Variants in PPME1 observed in about 807,000 individuals in gnomAD.
PPME1 encodes testicular secretory protein Li 39.
Under a neutral mutation model 56.9 loss-of-function variants are expected in PPME1, and 17 were observed. That is an observed-to-expected ratio of 0.30 (90% CI 0.20 to 0.45). The LOEUF is 0.45. Ranked by LOEUF, PPME1 falls within the 20% of genes least tolerant of loss-of-function variation. The pLI, the probability that PPME1 is intolerant of heterozygous loss-of-function variation, is 1.00. For missense variants in PPME1, 357 were observed against 483.2 expected (o/e 0.74, Z 2.45); for synonymous variants, 122 against 156.2 (o/e 0.78, Z 1.63).
At chr11:74,214,125 T>C (rs1452138857) in intron 3 of PPME1, among the ~76,000 whole-genome samples, 5 of 152,194 alleles carry the variant, frequency 3.3e-5, no homozygotes, top group African/African-American at 1.2e-4. Context: ...TATCTATAGA[T>C]AAATTTAACA....
chr11:74,230,477 TTTA>T lies in PPME1; in HGVS notation c.553+81_553+83del. On this transcript the variant is annotated intron_variant, in intron 6 of 13. Coordinates refer to ENST00000328257, the MANE Select transcript of PPME1 (RefSeq NM_016147.3). The surrounding 1 kb of genome is among the most constrained non-coding windows in gnomAD (Gnocchi z 4.9). ...TTGGTAGATTATTACCTTGTCTTAG[TTTA>T]TTGTTGATTTCATTCATCTTGAAAT... 6.7e-7 allele frequency: 1 copy of T among 1,484,698 alleles called. No homozygotes were observed. The highest frequency in any genetic ancestry group is 9.3e-7 in the Non-Finnish European group (1 of 1,079,492). The allele number at this position is 1,484,698 out of a possible 1,614,324, so 92.0% of individuals were successfully genotyped here. A position where few individuals can be genotyped will look rare whatever the true frequency, so the allele number is the denominator to read the frequency against.
At chr11:74,225,396 A>G (rs969252087) in intron 5 of PPME1, 140 bp downstream of exon 5, 49 of 578,884 alleles carry the variant, frequency 8.5e-5, no homozygotes, top group Non-Finnish European at 1.1e-4. Context: ...TCTCTCCTCT[A>G]CTTCTGGTTT....
intron 5 of PPME1, 78 bp downstream of exon 5, chr11:74,225,334 C>T: frequency 9.4e-7 from 1 of 1,062,980 alleles, no homozygotes; most frequent in Admixed American, 3.1e-5. Context: ...TATCACTTTC[C>T]TGATGAGATT....
rs188844008 is a variant in PPME1, at chr11:74,216,680, A to G, written c.289-5632A>G. On this transcript the variant is annotated intron_variant, in intron 3 of 13. Coordinates refer to ENST00000328257, the MANE Select transcript of PPME1 (RefSeq NM_016147.3). ...ATGAAATCAAAACAAAAAAGTAGAA[A>G]AGATCAACAAAATAAAAAGTTGGTT... Among the ~76,000 whole-genome samples, 800 of 152,246 alleles carry G rather than the reference A, an allele frequency of 5.3e-3. 2 individuals carry two copies. Among genetic ancestry groups the G allele is most frequent in the Non-Finnish European group, 9.6e-3 (650 of 67,994 alleles).
chr11:74,195,642 C>T (rs567063566), intron 1 of PPME1, among the ~76,000 whole-genome samples: 1 of 152,288 alleles, frequency 6.6e-6, no homozygotes, highest in Non-Finnish European at 1.5e-5. Flanking sequence ...TGAAGGACAC[C>T]TGTCTAATTT....
chr11:74,225,342 A>C, intron 5 of PPME1, 86 bp downstream of exon 5: 2 of 998,702 alleles, frequency 2.0e-6, no homozygotes, highest in Non-Finnish European at 2.9e-6. Flanking sequence ...TCCTGATGAG[A>C]TTGTTGGGGA....
At chr11:74,222,552 A>G (rs1357014337) in intron 4 of PPME1, 183 bp downstream of exon 4, 5 of 564,962 alleles carry the variant, frequency 8.9e-6, no homozygotes, top group Non-Finnish European at 1.6e-5. Context: ...GCAGTGGCAC[A>G]ATCTCAGCTC....
chr11:74,233,791 C>G (rs549483340), intron 7 of PPME1, among the ~76,000 whole-genome samples: 1 of 152,184 alleles, frequency 6.6e-6, no homozygotes, highest in Non-Finnish European at 1.5e-5. Context: ...CACTGCACTT[C>G]AGCCTGAACA....
rs963972772 is a variant in PPME1, at chr11:74,254,346, G to C, written c.*836G>C. On this transcript the variant is annotated 3_prime_UTR_variant, in exon 14 of 14. Transcript: ENST00000328257. The stretch of plus-strand genomic sequence containing the variant: ...TTTCATAACTGGTTCCTGGAGGTGT[G>C]CAGTGCCCCCTTGCCTCTTCAAACC... The C allele has an allele frequency of 1.3e-5, 2 of 152,836 alleles. No individual in the cohort carries two copies. Among genetic ancestry groups the C allele is most frequent in the Non-Finnish European group, 2.9e-5 (2 of 68,152 alleles). The allele number at this position is 152,836 out of a possible 1,614,324, so 9.5% of individuals were successfully genotyped here. A position where few individuals can be genotyped will look rare whatever the true frequency, so the allele number is the denominator to read the frequency against.
At chr11:74,203,589 T>C in intron 1 of PPME1, 139 bp from the exon 2 acceptor site, 1 of 500,838 alleles carries the variant, frequency 2.0e-6, no homozygotes, top group Non-Finnish European at 3.5e-6. Context: ...ATATGATACT[T>C]TGTGATGAAC....
chr11:74,214,769 C>G (rs753187224), intron 3 of PPME1, among the ~76,000 whole-genome samples: 3 of 151,880 alleles, frequency 2.0e-5, no homozygotes, highest in Non-Finnish European at 4.4e-5. Context: ...AAGACTTTCC[C>G]AGACACACAA....
chr11:74,210,291 A>C (rs1858438470), intron 3 of PPME1, among the ~76,000 whole-genome samples: 1 of 152,256 alleles, frequency 6.6e-6, no homozygotes, highest in Middle Eastern at 3.4e-3. Context: ...TCATGTTGAA[A>C]ACTCTTGGCC....
At chr11:74,242,897 A>AAAAC (rs1859406847) in intron 9 of PPME1, among the ~76,000 whole-genome samples, 2 of 150,828 alleles carry the variant, frequency 1.3e-5, no homozygotes, top group African/African-American at 4.9e-5. Flanking sequence ...AAAAAAAAAA[A>AAAAC]AAAAAACAGG....
intron 12 of PPME1, chr11:74,251,373 C>A: frequency 7.4e-7 from 1 of 1,359,336 alleles, no homozygotes; most frequent in Non-Finnish European, 9.5e-7. Context: ...ATGGGCTCCT[C>A]CTGTGAGAAA....
In PPME1 at chr11:74,226,555, A is replaced by G. The variant is rs75576527; in HGVS notation, c.398+1299A>G. Among the ~76,000 whole-genome samples the G allele has an allele frequency of 3.6e-3, 551 of 152,298 alleles. 7 individuals are homozygous for G. Among genetic ancestry groups the G allele is most frequent in the African/African-American group, 0.013 (530 of 41,560 alleles). ...ACAGTCAAGGCTGTTAGTGATACCT[A>G]TAGGAAGATTTGTGAATGATTTTTA... On this transcript the variant is annotated intron_variant, in intron 5 of 13. Transcript: ENST00000328257.
intron 3 of PPME1, among the ~76,000 whole-genome samples, chr11:74,216,835 A>G (rs1049000549): frequency 1.3e-5 from 2 of 152,214 alleles, no homozygotes; most frequent in Non-Finnish European, 2.9e-5. Context: ...AGAGGATACT[A>G]TGAGCAACTA....
chr11:74,171,318 C>G lies in PPME1; in HGVS notation c.-104C>G. 5 of 1,510,494 alleles carry G rather than the reference C, an allele frequency of 3.3e-6. No homozygotes were observed. Among genetic ancestry groups the G allele is most frequent in the Non-Finnish European group, 4.4e-6 (5 of 1,128,480 alleles). 93.6% of individuals were successfully genotyped at this position (1,510,494 alleles called of 1,614,324 possible). A position where few individuals can be genotyped will look rare whatever the true frequency, so the allele number is the denominator to read the frequency against. ...CGGGTAGCTGGGTGCTGTCCAAAGG[C>G]GACAGGGCGTCGTTAGGGGAGCGAG... On this transcript the variant is annotated 5_prime_UTR_variant, in exon 1 of 14. Coordinates refer to ENST00000328257, the MANE Select transcript of PPME1 (RefSeq NM_016147.3).
chr11:74,178,817 C>A (rs1388360802), intron 1 of PPME1, among the ~76,000 whole-genome samples: 1 of 152,090 alleles, frequency 6.6e-6, no homozygotes, highest in African/African-American at 2.4e-5. Flanking sequence ...TTATTTTAAA[C>A]CTAATGAGCC....
Position 74,204,379 on chromosome 11 carries a change from A to G in PPME1, c.222A>G (p.Ser74=). 6.2e-7 allele frequency: 1 copy of G among 1,613,330 alleles called. No homozygotes were observed. The highest frequency in any genetic ancestry group is 8.5e-7 in the Non-Finnish European group (1 of 1,179,416). ...CTTTTCGAGTCTACAAGAGTGGTTC[A>G]GAGGGTCCAGTCCTGCTCCTTCTGC... ...KDTFRVYKSG[S]EGPVLLLLHG... is the part of the protein sequence containing the mutation. The change falls in exon 3 of 14, where the codon TCA becomes TCG. Residue 74 remains serine, a synonymous_variant. Coordinates refer to ENST00000328257, the MANE Select transcript of PPME1 (RefSeq NM_016147.3).
Sources: allele counts gnomAD v4.1 joint callset (sites outside exome capture counted in the v4.1 genomes callset), GRCh38; gene constraint gnomAD v4.1.1; non-coding constraint Gnocchi (gnomAD v3.1); transcripts MANE v1.5; gene names NCBI Gene and HGNC (gene_info 2026-07-23, HGNC 2026-07-21).